KATNIP: variants seen among roughly 807,000 people sequenced by gnomAD.
The protein encoded by KATNIP is katanin-interacting protein.
KATNIP carries 126 observed loss-of-function variants against 174.0 expected under a neutral mutation model. That is an observed-to-expected ratio of 0.72 (90% CI 0.63 to 0.84). The LOEUF (loss-of-function observed/expected upper bound fraction) is 0.84, where lower values mean the gene tolerates loss of function less well. Ranked by LOEUF, KATNIP falls within the 40% of genes least tolerant of loss-of-function variation. The pLI, the probability that KATNIP is intolerant of heterozygous loss-of-function variation, is 0.00. For synonymous variants in KATNIP, 810 were observed against 835.7 expected, an observed-to-expected ratio of 0.97 and a Z score of 0.53; for missense variants, 1,958 against 2,109.7, an observed-to-expected ratio of 0.93 and a Z score of 1.41.
Position 27,721,592 on chromosome 16 carries a change from TCCAC to T in KATNIP, c.1646_1649del (p.Pro549HisfsTer41). The stretch of plus-strand genomic sequence containing the variant: ...GACTCCTCCCCGTGGACCTGCCCCT[TCCAC>T]CCACCACTCCAGCTGTTTTTTGTTA... On this transcript the variant is annotated frameshift_variant, in exon 14 of 28. Transcript: ENST00000261588. LOFTEE classifies it high-confidence loss of function. 6.2e-7 allele frequency: 1 copy of T among 1,614,136 alleles called. No homozygotes were observed. The highest frequency in any genetic ancestry group is 8.5e-7 in the Non-Finnish European group (1 of 1,179,986).
intron 20 of KATNIP, 109 bp downstream of exon 20, chr16:27,766,583 A>G: frequency 1.7e-6 from 2 of 1,182,442 alleles, no homozygotes; most frequent in Non-Finnish European, 2.4e-6. Flanking sequence ...AGAATTTTCC[A>G]AACGGAGCTG....
At chr16:27,583,316 A>G (rs1478134785) in intron 2 of KATNIP, among the ~76,000 whole-genome samples, 1 of 152,178 alleles carries the variant, frequency 6.6e-6, no homozygotes, top group African/African-American at 2.4e-5. Flanking sequence ...CCTTCAACAG[A>G]GCACCATCAA....
rs2090398587 is a variant in KATNIP at position 27,573,975 on chromosome 16, A to T, written c.63+19A>T. The T allele has an allele frequency of 6.2e-7, 1 of 1,612,218 alleles. No homozygotes were observed. Among genetic ancestry groups the T allele is most frequent in the Non-Finnish European group, 8.5e-7 (1 of 1,178,354 alleles). On this transcript the variant is annotated intron_variant, in intron 2 of 27. Coordinates refer to ENST00000261588, the MANE Select transcript of KATNIP (RefSeq NM_015202.5). ...AAAGGAGGTAAATGTGTCCCTGGCG[A>T]GGGCTGATGGGAGGCAACTCTATTT...
intron 18 of KATNIP, among the ~76,000 whole-genome samples, chr16:27,757,823 A>T (rs776320434): frequency 2.5e-4 from 38 of 151,928 alleles, no homozygotes; most frequent in Non-Finnish European, 5.0e-4. Flanking sequence ...ACCCGGGGGG[A>T]ATGTGTCGGG....
chr16:27,766,470 G>A lies in KATNIP; in HGVS notation c.3971G>A (p.Arg1324His), dbSNP rs1415846539. 1.1e-5 allele frequency: 18 copies of A among 1,611,130 alleles called. No individual in the cohort carries two copies. Among genetic ancestry groups the A allele is most frequent in the East Asian group, 2.2e-5 (1 of 44,886 alleles). Reference sequence around the variant, plus strand: ...AATAAATCTCCCGAGGACACCTATCGCGGGGTAAGCTGGGGAGCAGTGGCC... The same window carrying A: ...AATAAATCTCCCGAGGACACCTATCACGGGGTAAGCTGGGGAGCAGTGGCC... ...NYNKSPEDTY[R>H]GAKIVHVSLD... is the part of the protein sequence containing the mutation. The change falls in exon 20 of 28, where the codon CGC (arginine) becomes CAC (histidine). Residue 1324 changes from arginine to histidine, a missense_variant. By Grantham distance (29) the Arg-to-His change is conservative. This residue lies in a region of KATNIP where 383 missense variants were observed against 456.0 expected (regional missense o/e 0.84). Coordinates refer to ENST00000261588, the MANE Select transcript of KATNIP (RefSeq NM_015202.5).
chr16:27,686,916 T>C (rs115532970), intron 8 of KATNIP, among the ~76,000 whole-genome samples: 3,338 of 152,336 alleles, frequency 0.022, 138 homozygotes, highest in African/African-American at 0.076. Context: ...TGCATTTTAA[T>C]TCTCTCTAGC....
chr16:27,572,013 T>C (rs567252673), intron 1 of KATNIP, among the ~76,000 whole-genome samples: 1 of 152,188 alleles, frequency 6.6e-6, no homozygotes, highest in African/African-American at 2.4e-5. Flanking sequence ...TGTATGTGTG[T>C]GTGTGTTTAA....
At position 27,749,816 on chromosome 16, in the gene KATNIP, G is replaced by C. The variant is rs1016234550; in HGVS notation, c.2856G>C (p.Gly952=). Residue 952 remains glycine (G), a synonymous_variant, in exon 16 of 28, where the codon GGG becomes GGC. Transcript: ENST00000261588. ...GGGAGCAGCCAGGGCTGTCGAGAGG[G>C]CAGGATGGCTACTCTGGAGAGACAG... ...KKGEQPGLSR[G]QDGYSGETDA... 11 of 1,613,486 alleles carry C rather than the reference G, an allele frequency of 6.8e-6. No individual in the cohort carries two copies. Among genetic ancestry groups the C allele is most frequent in the Non-Finnish European group, 9.3e-6 (11 of 1,179,652 alleles).
intron 2 of KATNIP, among the ~76,000 whole-genome samples, chr16:27,610,667 A>C (rs2075865471): frequency 6.6e-6 from 1 of 152,162 alleles, no homozygotes; most frequent in South Asian, 2.1e-4. Flanking sequence ...GGGGCTGTTC[A>C]GTCCAGCACC....
intron 24 of KATNIP, 83 bp downstream of exon 24, chr16:27,775,167 C>G (rs944261776): frequency 1.3e-6 from 2 of 1,493,674 alleles, no homozygotes; most frequent in African/African-American, 2.8e-5. Context: ...AGTGACACGT[C>G]TTTCTTCCAG....
intron 6 of KATNIP, among the ~76,000 whole-genome samples, chr16:27,674,141 A>G (rs1242349460): frequency 6.6e-6 from 1 of 152,186 alleles, no homozygotes; most frequent in Non-Finnish European, 1.5e-5. Context: ...TAATTAATTA[A>G]TTTTATTAAA....
Position 27,586,753 on chromosome 16 carries a change from C to T in KATNIP, c.63+12797C>T, listed in dbSNP as rs185896937. 1.3e-4 allele frequency among the ~76,000 whole-genome samples: 20 copies of T among 150,376 alleles called. No individual in the cohort carries two copies. The East Asian group carries it at 2.0e-3, about 15-fold the overall frequency. ...CCGAGGTCGGAGGATCACCTGAGCC[C>T]GGGAGATTGAGTGTGCAATAAGCCA... On this transcript the variant is annotated intron_variant, in intron 2 of 27. Coordinates refer to ENST00000261588, the MANE Select transcript of KATNIP (RefSeq NM_015202.5).
chr16:27,615,485 G>C (rs897071925), intron 2 of KATNIP, among the ~76,000 whole-genome samples: 1 of 152,150 alleles, frequency 6.6e-6, no homozygotes, highest in East Asian at 1.9e-4. Flanking sequence ...CTCCCACGTA[G>C]CTGGGACTAC....
chr16:27,638,736 G>A (rs2076708610), intron 5 of KATNIP, among the ~76,000 whole-genome samples: 1 of 152,050 alleles, frequency 6.6e-6, no homozygotes, highest in Admixed American at 6.5e-5. Context: ...TGGTCCCAGT[G>A]CACAGTGAGC....
At chr16:27,721,016 T>C (rs551403801) in intron 13 of KATNIP, among the ~76,000 whole-genome samples, 1 of 152,180 alleles carries the variant, frequency 6.6e-6, no homozygotes, top group Non-Finnish European at 1.5e-5. Flanking sequence ...GTCTGCAAAC[T>C]GAAGCCTCCA....
intron 2 of KATNIP, among the ~76,000 whole-genome samples, chr16:27,598,588 G>A (rs1398939611): frequency 6.6e-6 from 1 of 152,158 alleles, no homozygotes; most frequent in Non-Finnish European, 1.5e-5. Flanking sequence ...TTCGGGTCTG[G>A]CCTGTTTGAA....
chr16:27,750,668 A>G (rs1200020109), intron 16 of KATNIP, among the ~76,000 whole-genome samples: 1 of 142,698 alleles, frequency 7.0e-6, no homozygotes, highest in African/African-American at 2.6e-5. Flanking sequence ...TCCTGACCTC[A>G]TGATCTGCCC....
intron 8 of KATNIP, among the ~76,000 whole-genome samples, chr16:27,697,299 C>T (rs2078947188): frequency 6.6e-6 from 1 of 152,132 alleles, no homozygotes; most frequent in South Asian, 2.1e-4. Context: ...CCTTTAATCC[C>T]CAACCTCGCC....
At chr16:27,673,371 C>A (rs1597132056) in intron 6 of KATNIP, among the ~76,000 whole-genome samples, 1 of 152,188 alleles carries the variant, frequency 6.6e-6, no homozygotes, top group Non-Finnish European at 1.5e-5. Flanking sequence ...CTGGGAGGAG[C>A]AGTGAATCTG....
Sources: gnomAD v4.1 joint callset for allele counts (sites outside exome capture counted in the v4.1 genomes callset) on GRCh38, gnomAD v4.1.1 for gene constraint, gnomAD v4.1.1 regional missense constraint, MANE v1.5 for transcripts, NCBI Gene and HGNC (gene_info 2026-07-23, HGNC 2026-07-21) for gene names.